Variants in MACF1 observed in about 807,000 individuals in gnomAD.
MACF1 encodes the protein microtubule actin crosslinking factor 1.
In MACF1, 193 loss-of-function variants were observed where a neutral mutation model predicts 854.8. The observed-to-expected ratio is 0.23, with a 90% confidence interval of 0.20 to 0.25. The LOEUF is 0.25. Among genes scored for constraint, MACF1 ranks in the 10% least tolerant of loss-of-function variants. The pLI is 1.00. For missense variants in MACF1, 7,722 were observed against 8,929.1 expected, an observed-to-expected ratio of 0.86 and a Z score of 5.45; for synonymous variants, 3,185 against 3,226.7, an observed-to-expected ratio of 0.99 and a Z score of 0.44.
intron 2 of MACF1, among the ~76,000 whole-genome samples, chr1:39,185,235 T>C (rs541708205): frequency 4.1e-5 from 6 of 146,622 alleles, no homozygotes; most frequent in Non-Finnish European, 7.4e-5. Flanking sequence ...GAGCTTGCAG[T>C]GAGCCGACAT....
chr1:39,102,955 CTG>C (rs2148133671), intron 2 of MACF1: 1 of 701,376 alleles, frequency 1.4e-6, no homozygotes, highest in Admixed American at 2.0e-5. Context: ...AAAATTTTCT[CTG>C]TATAAAACAG....
At position 39,333,831 on chromosome 1, in the gene MACF1, A is replaced by G; in HGVS notation, c.7243A>G (p.Lys2415Glu). 1 of 1,614,212 alleles carries G rather than the reference A, an allele frequency of 6.2e-7. No individual in the cohort carries two copies. Among genetic ancestry groups the G allele is most frequent in the Non-Finnish European group, 8.5e-7 (1 of 1,180,034 alleles). Reference protein sequence around the residue: ...QVVTGGIIDLKRGKKVSVTLA... With the variant: ...QVVTGGIIDLERGKKVSVTLA... Reference sequence around the variant, plus strand: ...GGTGACTGGTGGAATTATTGATCTGAAACGAGGCAAAAAAGTTTCAGTAAC... The same window carrying G: ...GGTGACTGGTGGAATTATTGATCTGGAACGAGGCAAAAAAGTTTCAGTAAC... The change falls in exon 37 of 101, where the codon AAA becomes GAA. Residue 2415 changes from lysine (K) to glutamate (E), a missense_variant. Physicochemically the swap from Lys to Glu is moderately conservative, Grantham distance 56 (BLOSUM62 1). Around this residue, in one of 15 missense-constraint regions of MACF1, gnomAD observed 1,531 missense variants for 1,601.6 expected, o/e 0.96. Coordinates refer to ENST00000564288, the MANE Select transcript of MACF1 (RefSeq NM_001394062.1).
chr1:39,322,755 T>G (rs768419822), intron 32 of MACF1, 40 bp downstream of exon 32: 2 of 1,597,366 alleles, frequency 1.3e-6, no homozygotes, highest in Non-Finnish European at 1.7e-6. Flanking sequence ...CTGTCTTCCC[T>G]TAAGGAAAGA....
chr1:39,377,217 C>T (rs1425821759), intron 52 of MACF1, among the ~76,000 whole-genome samples: 2 of 151,844 alleles, frequency 1.3e-5, no homozygotes, highest in African/African-American at 4.8e-5. Flanking sequence ...CACCGTATTG[C>T]CCAGGCTGGT....
intron 93 of MACF1, 97 bp downstream of exon 93, chr1:39,462,134 G>A (rs889366021): frequency 3.4e-6 from 4 of 1,161,510 alleles, no homozygotes; most frequent in African/African-American, 1.6e-5. Flanking sequence ...CCTTTGACTT[G>A]TCTGTTGGGA....
intron 49 of MACF1, among the ~76,000 whole-genome samples, chr1:39,363,606 T>TTC (rs1231203854): frequency 3.6e-5 from 5 of 140,520 alleles, no homozygotes; most frequent in African/African-American, 7.9e-5. Flanking sequence ...CTTTCTTTCT[T>TTC]TTTTTTTTTT....
chr1:39,368,429 T>C, intron 50 of MACF1, 115 bp downstream of exon 50: 1 of 1,060,300 alleles, frequency 9.4e-7, no homozygotes, highest in East Asian at 2.5e-5. Context: ...AAAATTCTAC[T>C]ACTGAGTTGT....
intron 29 of MACF1, 103 bp from the exon 30 acceptor site, chr1:39,318,350 G>GA: frequency 9.9e-7 from 1 of 1,014,980 alleles, no homozygotes; most frequent in East Asian, 2.4e-5. Context: ...GATCGTTTGT[G>GA]GTCAAGCCCA....
chr1:39,323,054 A>G (rs1401860119), intron 33 of MACF1, 46 bp downstream of exon 33: 6 of 1,567,488 alleles, frequency 3.8e-6, no homozygotes, highest in East Asian at 2.2e-5. Context: ...ACAGTAAAAC[A>G]TCTTAGCCAG....
In MACF1 at chr1:39,333,527, C is replaced by T; in HGVS notation, c.6939C>T (p.Ser2313=). Residue 2313 remains serine, a synonymous_variant, in exon 37 of 101, where the codon TCC becomes TCT. Transcript: ENST00000564288. ...GQKLLLNEAI[S]RGIVPSHTAV... is the part of the protein sequence containing the mutation. ...AGCTCTTACTAAATGAAGCAATATC[C>T]CGAGGCATTGTGCCAAGTCACACTG... 6.2e-7 allele frequency: 1 copy of T among 1,614,080 alleles called. No individual in the cohort carries two copies. The highest frequency in any genetic ancestry group is 8.5e-7 in the Non-Finnish European group (1 of 1,180,008).
chr1:39,294,795 A>G (rs188630354), intron 18 of MACF1, among the ~76,000 whole-genome samples: 20 of 152,192 alleles, frequency 1.3e-4, no homozygotes, highest in Non-Finnish European at 2.4e-4. Context: ...CTCTGGTCCA[A>G]TGCTTATTCT....
At chr1:39,432,502 A>G (rs2148653400) in intron 66 of MACF1, 33 bp from the exon 67 acceptor site, 1 of 1,609,840 alleles carries the variant, frequency 6.2e-7, no homozygotes, top group East Asian at 2.2e-5. Context: ...GGCTGTATAT[A>G]ATTTGTTTAT....
At chr1:39,219,001 G>A (rs1230585255) in intron 1 of MACF1, among the ~76,000 whole-genome samples, 3 of 152,060 alleles carry the variant, frequency 2.0e-5, no homozygotes, top group African/African-American at 7.2e-5. Context: ...GGTTGGTCTC[G>A]AGCTCCTGAC....
At chr1:39,199,589 G>A (rs12134412) in intron 2 of MACF1, among the ~76,000 whole-genome samples, 32,566 of 151,958 alleles carry the variant, frequency 0.21, 4,141 homozygotes, top group Non-Finnish European at 0.28. Context: ...TTATAAAATG[G>A]GGTAATAATA....
At chr1:39,245,370 A>T (rs756064400) in intron 2 of MACF1, among the ~76,000 whole-genome samples, 30 of 151,822 alleles carry the variant, frequency 2.0e-4, no homozygotes, top group African/African-American at 6.8e-4. Flanking sequence ...GCTCACTGCA[A>T]CCCCCTCCAG....
chr1:39,202,327 T>TA, upstream of MACF1, among the ~76,000 whole-genome samples: 1 of 149,744 alleles, frequency 6.7e-6, no homozygotes. Flanking sequence ...CCATCCTATA[T>TA]ATAAAACCGT....
rs761992864 is a variant in MACF1 at position 39,300,287 on chromosome 1, A to G, written c.2559A>G (p.Leu853=). The G allele has an allele frequency of 1.2e-6, 2 of 1,614,090 alleles. No homozygotes were observed. Among genetic ancestry groups the G allele is most frequent in the South Asian group, 1.1e-5 (1 of 91,068 alleles). Residue 853 remains leucine, a synonymous_variant, in exon 22 of 101, where the codon CTA becomes CTG. Coordinates refer to ENST00000564288, the MANE Select transcript of MACF1 (RefSeq NM_001394062.1). The stretch of plus-strand genomic sequence containing the variant: ...GGAGATCAAAAACCATCGTTCAGCT[A>G]AAACCACGCAGTCCAGACCATGTGT... The part of the protein sequence containing the change: ...LVGRSKTIVQ[L]KPRSPDHVLK...
chr1:39,145,611 A>C (rs1253870872), intron 2 of MACF1, among the ~76,000 whole-genome samples: 4 of 152,074 alleles, frequency 2.6e-5, no homozygotes, highest in Non-Finnish European at 5.9e-5. Context: ...TGTGCCCACC[A>C]TCCCAATGAA....
At chr1:39,441,386 A>AT in intron 74 of MACF1, 61 bp downstream of exon 74, 2 of 1,374,564 alleles carry the variant, frequency 1.5e-6, no homozygotes, top group Non-Finnish European at 2.1e-6. Flanking sequence ...CATTTTTGTC[A>AT]TTTTTGGAAT....
Sources: allele counts gnomAD v4.1 joint callset (sites outside exome capture counted in the v4.1 genomes callset), GRCh38; gene constraint gnomAD v4.1.1; regional missense constraint gnomAD v4.1.1; transcripts MANE v1.5; gene names NCBI Gene and HGNC (gene_info 2026-07-23, HGNC 2026-07-21).